TOX: variants seen among roughly 807,000 people sequenced by gnomAD.
TOX encodes thymocyte selection associated high mobility group box.
In TOX, 11 loss-of-function variants were observed where a neutral mutation model predicts 53.7. That is an observed-to-expected ratio of 0.20 (90% CI 0.13 to 0.34). The LOEUF is 0.34. Ranked by LOEUF, TOX falls within the 10% of genes least tolerant of loss-of-function variation. The probability of loss-of-function intolerance (pLI) is 1.00; values close to 1 mark genes in which losing one functional copy is unlikely to be tolerated. For synonymous variants in TOX, 225 were observed against 245.3 expected (o/e 0.92, Z 0.77); for missense variants, 570 against 664.6 (o/e 0.86, Z 1.56).
intron 3 of TOX, among the ~76,000 whole-genome samples, chr8:58,929,958 T>C (rs986921946): frequency 6.6e-6 from 1 of 152,146 alleles, no homozygotes; most frequent in Non-Finnish European, 1.5e-5. Flanking sequence ...AAAAGGAGGA[T>C]CAACTACACA....
intron 1 of TOX, among the ~76,000 whole-genome samples, chr8:58,997,034 A>G (rs1023190622): frequency 6.6e-6 from 1 of 152,214 alleles, no homozygotes; most frequent in African/African-American, 2.4e-5. Flanking sequence ...ACATGTTCAA[A>G]CTAGTAACCA....
chr8:58,875,832 C>T (rs754228304), intron 3 of TOX, among the ~76,000 whole-genome samples: 7 of 152,106 alleles, frequency 4.6e-5, no homozygotes, highest in African/African-American at 9.7e-5. Context: ...CTTTAAAATA[C>T]GAGGATGTGA....
intron 3 of TOX, 40 bp downstream of exon 3, chr8:58,939,262 T>C: frequency 6.2e-7 from 1 of 1,608,256 alleles, no homozygotes; most frequent in Non-Finnish European, 8.5e-7. Context: ...CCTTATGGTA[T>C]CCCTCAGCCC....
At chr8:58,815,252 T>G in intron 7 of TOX, 86 bp downstream of exon 7, 6 of 1,489,840 alleles carry the variant, frequency 4.0e-6, no homozygotes, top group Non-Finnish European at 5.4e-6. Context: ...TCCCCAATCC[T>G]GTCCTGGATA....
At chr8:58,822,645 C>A (rs572078510) in intron 6 of TOX, among the ~76,000 whole-genome samples, 1 of 152,200 alleles carries the variant, frequency 6.6e-6, no homozygotes, top group African/African-American at 2.4e-5. Context: ...GTGGGGGTAG[C>A]AGAGTGGGCA....
At chr8:59,086,391 A>G (rs535653743) in intron 1 of TOX, among the ~76,000 whole-genome samples, 5 of 152,280 alleles carry the variant, frequency 3.3e-5, no homozygotes, top group African/African-American at 1.2e-4. Context: ...CCCTCTTCCC[A>G]GCAGTCCATG....
chr8:58,990,370 C>T (rs1813418744), intron 1 of TOX, among the ~76,000 whole-genome samples: 1 of 151,788 alleles, frequency 6.6e-6, no homozygotes, highest in African/African-American at 2.4e-5. Context: ...TAATATCCTT[C>T]TAGTAAAGCT....
intron 1 of TOX, among the ~76,000 whole-genome samples, chr8:59,082,380 T>C (rs1389707002): frequency 1.3e-5 from 2 of 152,242 alleles, no homozygotes; most frequent in African/African-American, 4.8e-5. Flanking sequence ...ATGGGTAGTT[T>C]CCTCGCATCA....
At chr8:59,046,646 T>A (rs1585985172) in intron 1 of TOX, among the ~76,000 whole-genome samples, 1 of 151,926 alleles carries the variant, frequency 6.6e-6, no homozygotes, top group African/African-American at 2.4e-5. Flanking sequence ...TCATTTGAAG[T>A]CCAGAGTTCA....
In TOX at chr8:58,920,459, A is replaced by C. The variant is rs1221029596; in HGVS notation, c.411+18843T>G. Among the ~76,000 whole-genome samples the C allele has an allele frequency of 2.9e-4, 19 of 65,992 alleles. 1 individual carries two copies. Among genetic ancestry groups the C allele is most frequent in the Non-Finnish European group, 4.9e-4 (17 of 34,380 alleles). 43.3% of individuals were successfully genotyped at this position (65,992 alleles called of 152,430 possible). A position where few individuals can be genotyped will look rare whatever the true frequency, so the allele number is the denominator to read the frequency against. On this transcript the variant is annotated intron_variant, in intron 3 of 8. Coordinates refer to ENST00000361421, the MANE Select transcript of TOX (RefSeq NM_014729.3). ...ATTCTCAGTAAACTATCGCAAGAACAAAAAACCAAACACCGCATATTCTCA... is the reference window on the plus strand; with the variant it reads ...ATTCTCAGTAAACTATCGCAAGAACCAAAAACCAAACACCGCATATTCTCA...
At chr8:58,927,292 G>T (rs1435417692) in intron 3 of TOX, among the ~76,000 whole-genome samples, 1 of 152,136 alleles carries the variant, frequency 6.6e-6, no homozygotes, top group Non-Finnish European at 1.5e-5. Context: ...GAGTCATCAC[G>T]GTGCCGAGTT....
At chr8:58,936,826 C>T (rs928417286) in intron 3 of TOX, among the ~76,000 whole-genome samples, 3 of 152,168 alleles carry the variant, frequency 2.0e-5, no homozygotes, top group Non-Finnish European at 4.4e-5. Context: ...CTAGAATCAA[C>T]ATCATTAACG....
chr8:59,060,690 T>C (rs1009731440), intron 1 of TOX, among the ~76,000 whole-genome samples: 1 of 152,200 alleles, frequency 6.6e-6, no homozygotes, highest in Admixed American at 6.5e-5. Flanking sequence ...ATAGTACTAA[T>C]AGCCAATGTT....
rs1385295909 is a variant in TOX, at chr8:58,946,072, A to ACTGTATTTG, written c.169-6537_169-6529dup. On this transcript the variant is annotated intron_variant, in intron 2 of 8. Coordinates refer to ENST00000361421, the MANE Select transcript of TOX (RefSeq NM_014729.3). Reference sequence around the variant, plus strand: ...TTGTCAAATATGTTTCTCATATAGAACTGTATTTGAAAGATAAATAAATAG... The same window carrying ACTGTATTTG: ...TTGTCAAATATGTTTCTCATATAGAACTGTATTTGCTGTATTTGAAAGATAAATAAATAG... 3.3e-5 allele frequency among the ~76,000 whole-genome samples: 5 copies of ACTGTATTTG among 152,160 alleles called. No homozygotes were observed. In the East Asian group the frequency reaches 9.6e-4, roughly 29 times the overall value.
In TOX at chr8:58,947,731, G is replaced by T. The variant is rs559929740; in HGVS notation, c.169-8187C>A. 8.5e-5 allele frequency among the ~76,000 whole-genome samples: 13 copies of T among 152,316 alleles called. No homozygotes were observed. In the South Asian group the frequency reaches 1.7e-3, roughly 19 times the overall value. On this transcript the variant is annotated intron_variant, in intron 2 of 8. Coordinates refer to ENST00000361421, the MANE Select transcript of TOX (RefSeq NM_014729.3). ...AGTGATATCAGAGTGTAAACAAAAA[G>T]AATTACTTGAAGCTGGGATGATCAA...
At chr8:58,876,539 A>G (rs1202481109) in intron 3 of TOX, among the ~76,000 whole-genome samples, 1 of 152,158 alleles carries the variant, frequency 6.6e-6, no homozygotes, top group Non-Finnish European at 1.5e-5. Flanking sequence ...AATTACTTTA[A>G]TCTGATTGTT....
intron 1 of TOX, among the ~76,000 whole-genome samples, chr8:58,985,256 A>T (rs1039489276): frequency 2.6e-5 from 4 of 152,074 alleles, no homozygotes; most frequent in African/African-American, 9.7e-5. Flanking sequence ...CCAACAACTG[A>T]TGAGTGGATA....
intron 1 of TOX, among the ~76,000 whole-genome samples, chr8:59,060,398 C>A (rs1023519097): frequency 1.3e-5 from 2 of 152,214 alleles, no homozygotes; most frequent in African/African-American, 4.8e-5. Flanking sequence ...GAGGCCAAGG[C>A]GGGCAGATCA....
intron 6 of TOX, among the ~76,000 whole-genome samples, chr8:58,818,630 A>G (rs1427720969): frequency 6.8e-6 from 1 of 147,440 alleles, no homozygotes; most frequent in Admixed American, 6.8e-5. Context: ...TTCTTGAGCA[A>G]TCCTCCAGGC....
Sources: allele counts gnomAD v4.1 joint callset (sites outside exome capture counted in the v4.1 genomes callset), GRCh38; gene constraint gnomAD v4.1.1; transcripts MANE v1.5; gene names NCBI Gene and HGNC (gene_info 2026-07-23, HGNC 2026-07-21).